Variants in CNOT4 observed in about 807,000 individuals in gnomAD.
The protein encoded by CNOT4 is CCR4-NOT transcription complex subunit 4.
In CNOT4, 8 loss-of-function variants were observed where a neutral mutation model predicts 73.8. The ratio of observed to expected loss-of-function variants is 0.11; its 90% confidence interval spans 0.06 to 0.20. The LOEUF (loss-of-function observed/expected upper bound fraction) is 0.20. Among genes scored for constraint, CNOT4 ranks in the 10% least tolerant of loss-of-function variants. The pLI, the probability that CNOT4 is intolerant of heterozygous loss-of-function variation, is 1.00. For synonymous variants in CNOT4, 293 were observed against 321.1 expected, an observed-to-expected ratio of 0.91 and a Z score of 0.94; for missense variants, 564 against 883.4, an observed-to-expected ratio of 0.64 and a Z score of 4.58.
intron 10 of CNOT4, among the ~76,000 whole-genome samples, chr7:135,385,870 T>C (rs891569357): frequency 6.6e-6 from 1 of 152,162 alleles, no homozygotes; most frequent in African/African-American, 2.4e-5. Context: ...TTATTCAACC[T>C]TGTATCTCTA....
At chr7:135,491,886 A>C (rs1803136601) in intron 1 of CNOT4, among the ~76,000 whole-genome samples, 1 of 152,238 alleles carries the variant, frequency 6.6e-6, no homozygotes, top group Non-Finnish European at 1.5e-5. Context: ...AGTGGTTGGC[A>C]TAAAAAGAAC....
intron 10 of CNOT4, among the ~76,000 whole-genome samples, chr7:135,385,030 C>T (rs1182786895): frequency 6.6e-6 from 1 of 152,232 alleles, no homozygotes; most frequent in Non-Finnish European, 1.5e-5. Flanking sequence ...CATAGTTCTT[C>T]TCCATTCCAA....
At chr7:135,406,839 C>A (rs778927247) in intron 7 of CNOT4, among the ~76,000 whole-genome samples, 2 of 152,098 alleles carry the variant, frequency 1.3e-5, no homozygotes, top group Non-Finnish European at 2.9e-5. Context: ...GACTACCTGA[C>A]TATACTTTAT....
intron 10 of CNOT4, among the ~76,000 whole-genome samples, chr7:135,379,719 C>T (rs1224068323): frequency 1.3e-5 from 2 of 152,172 alleles, no homozygotes; most frequent in Admixed American, 6.5e-5. Flanking sequence ...AAACTTCCTA[C>T]TTGGCTGATG....
Position 135,362,427 on chromosome 7 carries a change from T to C in CNOT4, c.*458A>G. On this transcript the variant is annotated 3_prime_UTR_variant, in exon 12 of 12. Transcript: ENST00000541284. ...GATAAGCTGAATACAAGATGGATGC[T>C]AGGACCACTGCTTTCCCCCATGCAT... 1 of 262,114 alleles carries C rather than the reference T, an allele frequency of 3.8e-6. No individual in the cohort carries two copies. The highest frequency in any genetic ancestry group is 7.5e-6 in the Non-Finnish European group (1 of 132,918). 16.2% of individuals were successfully genotyped at this position (262,114 alleles called of 1,614,324 possible). A position where few individuals can be genotyped will look rare whatever the true frequency, so the allele number is the denominator to read the frequency against.
intron 3 of CNOT4, among the ~76,000 whole-genome samples, chr7:135,417,204 G>C (rs768644901): frequency 6.6e-6 from 1 of 152,050 alleles, no homozygotes. Context: ...ATTCTTCAAT[G>C]ATCTAGTTAA....
chr7:135,418,353 A>C (rs897615647), intron 3 of CNOT4, among the ~76,000 whole-genome samples: 1 of 152,234 alleles, frequency 6.6e-6, no homozygotes, highest in Non-Finnish European at 1.5e-5. Context: ...TATATACTCA[A>C]TATCACGATG....
chr7:135,476,776 A>T (rs1802020414), intron 1 of CNOT4, among the ~76,000 whole-genome samples: 1 of 152,246 alleles, frequency 6.6e-6, no homozygotes, highest in African/African-American at 2.4e-5. Flanking sequence ...GTTCCAGACC[A>T]GCCTGGGCAA....
chr7:135,362,780 T>C lies in CNOT4; in HGVS notation c.*105A>G, dbSNP rs560320451. The C allele has an allele frequency of 2.0e-5, 21 of 1,069,616 alleles. No individual in the cohort carries two copies. The highest frequency in any genetic ancestry group is 1.6e-4 in the East Asian group (7 of 42,470). 66.3% of individuals were successfully genotyped at this position (1,069,616 alleles called of 1,614,324 possible). A position where few individuals can be genotyped will look rare whatever the true frequency, so the allele number is the denominator to read the frequency against. ...GAAAAAAAATTGATCAGGTACTGGATTCTTCAGAACATAAGAGATGAGAAG... is the reference window on the plus strand; with the variant it reads ...GAAAAAAAATTGATCAGGTACTGGACTCTTCAGAACATAAGAGATGAGAAG... On this transcript the variant is annotated 3_prime_UTR_variant, in exon 12 of 12. Coordinates refer to ENST00000541284, the MANE Select transcript of CNOT4 (RefSeq NM_001190850.2).
chr7:135,475,770 G>C (rs925771151), intron 1 of CNOT4, among the ~76,000 whole-genome samples: 20 of 151,992 alleles, frequency 1.3e-4, no homozygotes, highest in African/African-American at 4.6e-4. Context: ...AATCAGCCAC[G>C]CATGGTGGTG....
At chr7:135,452,697 A>T (rs1351380428) in intron 1 of CNOT4, among the ~76,000 whole-genome samples, 3 of 152,250 alleles carry the variant, frequency 2.0e-5, no homozygotes, top group African/African-American at 7.2e-5. Context: ...GAGAAAAACT[A>T]TATTAAATTA....
intron 4 of CNOT4, among the ~76,000 whole-genome samples, chr7:135,414,959 C>T (rs1007918112): frequency 2.0e-5 from 3 of 151,942 alleles, no homozygotes; most frequent in African/African-American, 7.2e-5. Context: ...CACTCCATCA[C>T]TAAATGTTTG....
rs1420662161 is a variant in CNOT4 at position 135,509,872 on chromosome 7, G to C, written c.-93+17C>G. ...CAGCCCCGGGTTTCCCCTAAGCCCA[G>C]CCCCGCATAGACTCACCCGCCTGCC... On this transcript the variant is annotated intron_variant, in intron 1 of 11. Coordinates refer to ENST00000541284, the MANE Select transcript of CNOT4 (RefSeq NM_001190850.2). 1 of 394,670 alleles carries C rather than the reference G, an allele frequency of 2.5e-6. No individual in the cohort carries two copies. Among genetic ancestry groups the C allele is most frequent in the Admixed American group, 4.4e-5 (1 of 22,586 alleles). 24.4% of individuals were successfully genotyped at this position (394,670 alleles called of 1,614,324 possible).
chr7:135,369,097 C>T (rs2129482488), intron 10 of CNOT4, among the ~76,000 whole-genome samples: 1 of 152,254 alleles, frequency 6.6e-6, no homozygotes, highest in South Asian at 2.1e-4. Flanking sequence ...AGGCATCCTT[C>T]CTTCCCACCT....
intron 1 of CNOT4, among the ~76,000 whole-genome samples, chr7:135,474,798 A>G (rs1261167886): frequency 6.6e-6 from 1 of 152,238 alleles, no homozygotes; most frequent in East Asian, 1.9e-4. Context: ...CTGATACCTA[A>G]TTTTAAAGGA....
chr7:135,466,769 A>C (rs866837967), intron 1 of CNOT4, among the ~76,000 whole-genome samples: 15 of 152,260 alleles, frequency 9.9e-5, no homozygotes, highest in Admixed American at 6.5e-4. Flanking sequence ...TCATGTTTAG[A>C]TATGTATAAT....
intron 1 of CNOT4, among the ~76,000 whole-genome samples, chr7:135,445,578 A>G (rs1168186752): frequency 2.0e-5 from 3 of 152,238 alleles, no homozygotes; most frequent in Non-Finnish European, 2.9e-5. Context: ...TACCAATTGT[A>G]AACTTAGATT....
chr7:135,474,140 C>T (rs561899258), intron 1 of CNOT4, among the ~76,000 whole-genome samples: 120 of 151,216 alleles, frequency 7.9e-4, no homozygotes, highest in South Asian at 1.5e-3. Flanking sequence ...CCACTGGGCC[C>T]GGCTAATTTT....
At chr7:135,452,133 G>A (rs566487142) in intron 1 of CNOT4, among the ~76,000 whole-genome samples, 6 of 152,086 alleles carry the variant, frequency 3.9e-5, no homozygotes, top group African/African-American at 1.2e-4. Flanking sequence ...CAGCTACTGC[G>A]GAGGCTGAGG....
Sources: allele counts gnomAD v4.1 joint callset (sites outside exome capture counted in the v4.1 genomes callset), GRCh38; gene constraint gnomAD v4.1.1; transcripts MANE v1.5; gene names NCBI Gene and HGNC (gene_info 2026-07-23, HGNC 2026-07-21).